Variants in LRRTM4 observed in about 807,000 individuals in gnomAD.
LRRTM4 encodes leucine-rich repeat transmembrane neuronal protein 4.
Under a neutral mutation model 47.6 loss-of-function variants are expected in LRRTM4, and 25 were observed. The ratio of observed to expected loss-of-function variants is 0.53; its 90% CI spans 0.38 to 0.73. The LOEUF (loss-of-function observed/expected upper bound fraction) is 0.73. Among genes scored for constraint, LRRTM4 ranks in the 30% least tolerant of loss-of-function variants. The pLI, the probability that LRRTM4 is intolerant of heterozygous loss-of-function variation, is 0.00. For missense variants in LRRTM4, 638 were observed against 713.4 expected (o/e 0.89, Z 1.20); for synonymous variants, 311 against 269.5 (o/e 1.15, Z -1.51).
chr2:77,142,430 T>TACACACAC (rs71381264), intron 3 of LRRTM4, among the ~76,000 whole-genome samples: 6 of 145,262 alleles, frequency 4.1e-5, no homozygotes, highest in South Asian at 2.2e-4. Context: ...CACACACACA[T>TACACACAC]ACACACACAC....
intron 3 of LRRTM4, among the ~76,000 whole-genome samples, chr2:76,891,135 G>A (rs1184887530): frequency 1.3e-5 from 2 of 151,828 alleles, no homozygotes; most frequent in Non-Finnish European, 2.9e-5. Flanking sequence ...TCTACAGAAA[G>A]TAAAGAGAAA....
intron 3 of LRRTM4, among the ~76,000 whole-genome samples, chr2:77,081,474 T>C (rs1201709599): frequency 6.6e-6 from 1 of 152,042 alleles, no homozygotes; most frequent in Non-Finnish European, 1.5e-5. Flanking sequence ...ATCACTGATA[T>C]ATATATTTAA....
At chr2:77,018,500 A>G (rs1426681966) in intron 3 of LRRTM4, among the ~76,000 whole-genome samples, 1 of 152,128 alleles carries the variant, frequency 6.6e-6, no homozygotes, top group African/African-American at 2.4e-5. Context: ...TTAACGCATG[A>G]TGGCTATTGA....
At chr2:76,846,966 C>G (rs1456407894) in intron 3 of LRRTM4, among the ~76,000 whole-genome samples, 2 of 152,014 alleles carry the variant, frequency 1.3e-5, no homozygotes, top group African/African-American at 4.8e-5. Context: ...CAAACTCTTC[C>G]AGCTGAGAGG....
At chr2:77,237,958 A>G (rs1675150609) in intron 3 of LRRTM4, among the ~76,000 whole-genome samples, 1 of 152,152 alleles carries the variant, frequency 6.6e-6, no homozygotes, top group Non-Finnish European at 1.5e-5. Context: ...ACATACACAC[A>G]GGTTGATAAT....
At chr2:77,517,246 G>A in intron 3 of LRRTM4, 3 of 984,514 alleles carry the variant, frequency 3.0e-6, no homozygotes, top group Non-Finnish European at 3.6e-6. Flanking sequence ...CAGAAACCGG[G>A]TCCAAATTTA....
intron 3 of LRRTM4, among the ~76,000 whole-genome samples, chr2:76,957,176 G>T (rs1431686064): frequency 6.6e-6 from 1 of 151,650 alleles, no homozygotes; most frequent in Non-Finnish European, 1.5e-5. Context: ...GACAAAAAAT[G>T]CATGATTTTC....
intron 3 of LRRTM4, among the ~76,000 whole-genome samples, chr2:76,882,855 C>T (rs1311780452): frequency 2.0e-5 from 3 of 152,106 alleles, no homozygotes; most frequent in Non-Finnish European, 4.4e-5. Context: ...GACAGGAGTC[C>T]TGTCCCTCCT....
chr2:76,897,950 C>G (rs372455140), intron 3 of LRRTM4, among the ~76,000 whole-genome samples: 1 of 152,138 alleles, frequency 6.6e-6, no homozygotes, highest in African/African-American at 2.4e-5. Context: ...AAATAGGAAA[C>G]GCTTTACATG....
intron 3 of LRRTM4, among the ~76,000 whole-genome samples, chr2:76,799,989 G>C (rs534119795): frequency 2.0e-5 from 3 of 151,758 alleles, no homozygotes; most frequent in African/African-American, 7.3e-5. Flanking sequence ...CATGCTCGTG[G>C]GTAGGAAGAA....
chr2:77,379,101 G>C (rs1409284459), intron 3 of LRRTM4, among the ~76,000 whole-genome samples: 1 of 151,880 alleles, frequency 6.6e-6, no homozygotes, highest in Non-Finnish European at 1.5e-5. Context: ...TACTTATATA[G>C]TGATATGTAT....
intron 3 of LRRTM4, among the ~76,000 whole-genome samples, chr2:77,348,544 T>C (rs564070761): frequency 1.3e-5 from 2 of 150,362 alleles, no homozygotes; most frequent in Admixed American, 6.6e-5. Flanking sequence ...AAGTGAAATA[T>C]ACCTTACAAA....
At chr2:77,064,609 A>G (rs571857494) in intron 3 of LRRTM4, among the ~76,000 whole-genome samples, 1 of 152,316 alleles carries the variant, frequency 6.6e-6, no homozygotes, top group Admixed American at 6.5e-5. Context: ...GGCCCAGTTT[A>G]TCATCAGGCA....
intron 3 of LRRTM4, among the ~76,000 whole-genome samples, chr2:76,834,405 A>G (rs1671450692): frequency 6.6e-6 from 1 of 151,904 alleles, no homozygotes. Context: ...CTGTTACTCT[A>G]AAGAGGAGAT....
chr2:77,093,165 G>A (rs2103892065), intron 3 of LRRTM4, among the ~76,000 whole-genome samples: 1 of 148,294 alleles, frequency 6.7e-6, no homozygotes, highest in Non-Finnish European at 1.5e-5. Flanking sequence ...TACATGCCCT[G>A]CTCTTGTTTA....
At chr2:77,266,299 G>A (rs1420694590) in intron 3 of LRRTM4, among the ~76,000 whole-genome samples, 1 of 152,072 alleles carries the variant, frequency 6.6e-6, no homozygotes, top group Non-Finnish European at 1.5e-5. Flanking sequence ...GATGAAGTAG[G>A]TAAAATTTCT....
chr2:76,873,506 G>GTATATATATATATATATATATGTGTGTA (rs1672692651), intron 3 of LRRTM4, among the ~76,000 whole-genome samples: 5 of 112,314 alleles, frequency 4.5e-5, no homozygotes, highest in Non-Finnish European at 7.6e-5. Context: ...ATATATGTGT[G>GTATATATATATATATATATATGTGTGTA]TATATATATA....
chr2:77,024,866 T>A (rs989174953), intron 3 of LRRTM4, among the ~76,000 whole-genome samples: 9 of 152,272 alleles, frequency 5.9e-5, no homozygotes, highest in Middle Eastern at 6.8e-3. Flanking sequence ...AAGGATTATA[T>A]CTTGTTGGAA....
intron 3 of LRRTM4, among the ~76,000 whole-genome samples, chr2:77,129,975 C>T (rs1363804746): frequency 1.3e-5 from 2 of 152,040 alleles, no homozygotes; most frequent in East Asian, 3.9e-4. Flanking sequence ...GCATTTTTTT[C>T]TTGAGTAACT....
Sources: allele counts gnomAD v4.1 joint callset (sites outside exome capture counted in the v4.1 genomes callset), GRCh38; gene constraint gnomAD v4.1.1; transcripts MANE v1.5; gene names NCBI Gene and HGNC (gene_info 2026-07-23, HGNC 2026-07-21).